The following ALCAM variants were observed in gnomAD, a reference collection of about 807,000 sequenced individuals.
The protein encoded by ALCAM is CD166 antigen.
A neutral mutation model predicts 70.9 loss-of-function variants in ALCAM; 30 were observed. The ratio of observed to expected loss-of-function variants is 0.42; its 90% CI spans 0.32 to 0.57. The LOEUF is 0.57. Among genes scored for constraint, ALCAM ranks in the 20% least tolerant of loss-of-function variants. The pLI is 0.11. For missense variants in ALCAM, 591 were observed against 695.1 expected, an observed-to-expected ratio of 0.85 and a Z score of 1.68; for synonymous variants, 249 against 242.5, an observed-to-expected ratio of 1.03 and a Z score of -0.25.
chr3:105,557,860 A>T (rs975651075), intron 14 of ALCAM, among the ~76,000 whole-genome samples: 1 of 152,162 alleles, frequency 6.6e-6, no homozygotes. Flanking sequence ...TAAAATTTTC[A>T]TGAGGAATTT....
chr3:105,392,450 ATTGT>A (rs1287224175), intron 1 of ALCAM, among the ~76,000 whole-genome samples: 1 of 148,546 alleles, frequency 6.7e-6, no homozygotes, highest in East Asian at 2.0e-4. Flanking sequence ...TGTCTGTTTG[ATTGT>A]TCTCTCTTTT....
intron 1 of ALCAM, among the ~76,000 whole-genome samples, chr3:105,379,333 G>A (rs1435291288): frequency 6.6e-6 from 1 of 151,490 alleles, no homozygotes; most frequent in Admixed American, 6.6e-5. Flanking sequence ...ATACATTTTG[G>A]GCTTCCATAA....
rs751748848 is a variant in ALCAM, at chr3:105,552,522, T to C, written c.1601T>C (p.Val534Ala). ...GCAAAACTAATTGTGGGAATCGTTG[T>C]TGGTCTCCTCCTTGCTGCCCTTGTT... ...DQAKLIVGIV[V>A]GLLLAALVAG... The change falls in exon 14 of 16, where the codon GTT becomes GCT. Residue 534 changes from valine to alanine, a missense_variant. Coordinates refer to ENST00000306107, the MANE Select transcript of ALCAM (RefSeq NM_001627.4). 53 of 1,611,758 alleles carry C rather than the reference T, an allele frequency of 3.3e-5. No individual in the cohort carries two copies. Among genetic ancestry groups the C allele is most frequent in the Non-Finnish European group, 4.2e-5 (50 of 1,178,432 alleles).
At chr3:105,491,020 C>T (rs1008161076) in intron 1 of ALCAM, among the ~76,000 whole-genome samples, 3 of 152,216 alleles carry the variant, frequency 2.0e-5, no homozygotes, top group Non-Finnish European at 4.4e-5. Flanking sequence ...TGAACTTCTG[C>T]CTGGACATCC....
intron 1 of ALCAM, among the ~76,000 whole-genome samples, chr3:105,502,120 T>C (rs1419612493): frequency 6.6e-6 from 1 of 152,194 alleles, no homozygotes; most frequent in Non-Finnish European, 1.5e-5. Flanking sequence ...AACTGAAAAT[T>C]AACTGTATGC....
intron 1 of ALCAM, among the ~76,000 whole-genome samples, chr3:105,477,875 AT>A (rs139210886): frequency 0.16 from 24,539 of 152,058 alleles, 2,251 homozygotes; most frequent in East Asian, 0.37. Context: ...AGTATTAGAT[AT>A]TTTAAATTTT....
chr3:105,549,884 A>T (rs1940350584), intron 11 of ALCAM, among the ~76,000 whole-genome samples: 1 of 151,444 alleles, frequency 6.6e-6, no homozygotes, highest in South Asian at 2.1e-4. Context: ...TTTAAAAAGA[A>T]GAGTTTAATT....
chr3:105,423,954 T>G (rs1235121622), intron 1 of ALCAM, among the ~76,000 whole-genome samples: 3 of 151,666 alleles, frequency 2.0e-5, no homozygotes, highest in African/African-American at 7.2e-5. Context: ...AGTATGTTTT[T>G]AATGTATATT....
chr3:105,545,231 T>TTGTC lies in ALCAM; in HGVS notation c.1001_1004dup (p.Leu336ValfsTer10). On this transcript the variant is annotated frameshift_variant, in exon 9 of 16. Transcript: ENST00000306107. LOFTEE classifies it high-confidence loss of function. ...GATTTTCTGCTTCACAGATTTGGAT[T>TTGTC]TGTCCTTAAACCCAAGTGGAGAAGT... 1 of 1,605,288 alleles carries TTGTC rather than the reference T, an allele frequency of 6.2e-7. No individual in the cohort carries two copies. Among genetic ancestry groups the TTGTC allele is most frequent in the Non-Finnish European group, 8.5e-7 (1 of 1,172,942 alleles).
chr3:105,494,498 G>A (rs1183631239), intron 1 of ALCAM, among the ~76,000 whole-genome samples: 1 of 149,880 alleles, frequency 6.7e-6, no homozygotes, highest in Admixed American at 6.7e-5. Flanking sequence ...GCCTAAGCAG[G>A]AACTCATTCA....
intron 14 of ALCAM, among the ~76,000 whole-genome samples, chr3:105,563,946 C>T (rs1187841844): frequency 1.3e-5 from 2 of 151,762 alleles, no homozygotes; most frequent in African/African-American, 2.4e-5. Context: ...CTCGGCCTCC[C>T]AAAGTGCTGG....
At chr3:105,482,153 C>T (rs1246089158) in intron 1 of ALCAM, among the ~76,000 whole-genome samples, 1 of 152,128 alleles carries the variant, frequency 6.6e-6, no homozygotes, top group South Asian at 2.1e-4. Context: ...CACTCTGTCG[C>T]CCACGCTAGA....
intron 12 of ALCAM, among the ~76,000 whole-genome samples, chr3:105,551,418 G>A (rs543661928): frequency 2.0e-5 from 3 of 151,570 alleles, no homozygotes; most frequent in Non-Finnish European, 4.4e-5. Context: ...TTCAAATTCA[G>A]TGAGCACCTC....
At position 105,547,624 on chromosome 3, in the gene ALCAM, G is replaced by A. The variant is rs988526926; in HGVS notation, c.1374+101G>A. ...GTTGGTTTGTTACCACATAAAATTT[G>A]CAGTGTGTAGGTTGGTTTGTTACCA... On this transcript the variant is annotated intron_variant, in intron 11 of 15. Coordinates refer to ENST00000306107, the MANE Select transcript of ALCAM (RefSeq NM_001627.4). The A allele has an allele frequency of 3.6e-5, 53 of 1,459,182 alleles. No individual in the cohort carries two copies. The East Asian group carries it at 1.2e-3, about 33-fold the overall frequency. 90.4% of individuals were successfully genotyped at this position (1,459,182 alleles called of 1,614,324 possible). A position where few individuals can be genotyped will look rare whatever the true frequency, so the allele number is the denominator to read the frequency against.
chr3:105,571,858 A>AT lies in ALCAM; in HGVS notation c.1672dup (p.Ser558PhefsTer10). On this transcript the variant is annotated frameshift_variant, in exon 15 of 16. Coordinates refer to ENST00000306107, the MANE Select transcript of ALCAM (RefSeq NM_001627.4). LOFTEE classifies it high-confidence loss of function. ...TTATTTAATTCTCTTACAGGACTGC[A>AT]TCAAAACATGTAAACAAGGACCTCG... 3 of 1,610,380 alleles carry AT rather than the reference A, an allele frequency of 1.9e-6. No individual in the cohort carries two copies. The highest frequency in any genetic ancestry group is 2.5e-6 in the Non-Finnish European group (3 of 1,177,074).
intron 14 of ALCAM, among the ~76,000 whole-genome samples, chr3:105,568,758 A>T (rs569226647): frequency 6.6e-6 from 1 of 152,168 alleles, no homozygotes; most frequent in East Asian, 1.9e-4. Context: ...GCCATGTAAA[A>T]TTTTCTTTCA....
At chr3:105,516,433 C>T (rs1172787208) in intron 1 of ALCAM, among the ~76,000 whole-genome samples, 1 of 151,910 alleles carries the variant, frequency 6.6e-6, no homozygotes, top group Admixed American at 6.6e-5. Context: ...TATATTTTAT[C>T]GTCACTTGCC....
intron 1 of ALCAM, among the ~76,000 whole-genome samples, chr3:105,457,851 G>C (rs992571395): frequency 6.6e-6 from 1 of 152,010 alleles, no homozygotes; most frequent in Non-Finnish European, 1.5e-5. Flanking sequence ...GTTTTACCTG[G>C]AATGTCCTTC....
intron 1 of ALCAM, among the ~76,000 whole-genome samples, chr3:105,456,214 G>A (rs912428187): frequency 1.3e-5 from 2 of 152,206 alleles, no homozygotes; most frequent in African/African-American, 4.8e-5. Flanking sequence ...CACAAGAGTT[G>A]TAACACTGCC....
Sources: allele counts gnomAD v4.1 joint callset (sites outside exome capture counted in the v4.1 genomes callset), GRCh38; gene constraint gnomAD v4.1.1; transcripts MANE v1.5; gene names NCBI Gene and HGNC (gene_info 2026-07-23, HGNC 2026-07-21).